Variants in OPLAH observed in about 807,000 individuals in gnomAD.
OPLAH encodes the protein 5-oxoprolinase, ATP-hydrolysing.
OPLAH carries 103 observed loss-of-function variants against 122.8 expected under a neutral mutation model. The observed-to-expected ratio is 0.84, with a 90% CI of 0.71 to 0.99. The LOEUF (loss-of-function observed/expected upper bound fraction) is 0.99, where lower values mean the gene tolerates loss of function less well. Ranked by LOEUF, OPLAH falls within the 50% of genes least tolerant of loss-of-function variation. The pLI, the probability that OPLAH is intolerant of heterozygous loss-of-function variation, is 0.00. For missense variants in OPLAH, 1,902 were observed against 1,836.5 expected (o/e 1.04, Z -0.65); for synonymous variants, 875 against 796.0 (o/e 1.10, Z -1.67).
rs782238144 is a variant in OPLAH at position 144,056,369 on chromosome 8, A to G, written c.1983+16T>C. On this transcript the variant is annotated intron_variant, in intron 14 of 26. Transcript: ENST00000618853. The stretch of plus-strand genomic sequence containing the variant: ...CCCATGGGTGCTGTCAGGCTGGCAC[A>G]GGCAGGACCACCAACCTTGTCCACC... 6.3e-6 allele frequency: 10 copies of G among 1,598,344 alleles called. No homozygotes were observed. The African/African-American group carries it at 1.2e-4, about 19-fold the overall frequency.
chr8:144,052,574 C>A lies in OPLAH; in HGVS notation c.3178G>T (p.Val1060Phe). 6.3e-7 allele frequency: 1 copy of A among 1,596,580 alleles called. No individual in the cohort carries two copies. Among genetic ancestry groups the A allele is most frequent in the Non-Finnish European group, 8.5e-7 (1 of 1,177,514 alleles). ...NQGCLAPVRV[V>F]IPRGSILDPS... The stretch of plus-strand genomic sequence containing the variant: ...TCCAGGATGGAGCCTCGGGGAATGA[C>A]CACGCGCACTGGCGCCAGGCAGCCC... Residue 1060 changes from valine to phenylalanine, a missense_variant, in exon 23 of 27, where the codon GTC (valine) becomes TTC (phenylalanine). This residue lies in a region of OPLAH where 1,726 missense variants were observed against 1,642.1 expected (regional missense o/e 1.05). Transcript: ENST00000618853.
Position 144,057,077 on chromosome 8 carries a change from T to C in OPLAH, c.1577A>G (p.Asp526Gly). The part of the protein sequence containing the change: ...LLSALGLALA[D>G]VVHEAQEPCS... ...GGGTTCCTGTGCCTCATGCACCACG[T>C]CAGCCAGGGCCAGCCCCAGGGCCGA... Residue 526 changes from aspartate to glycine, a missense_variant, in exon 12 of 27, where the codon GAC becomes GGC. Coordinates refer to ENST00000618853, the MANE Select transcript of OPLAH (RefSeq NM_017570.5). The C allele has an allele frequency of 6.2e-7, 1 of 1,602,780 alleles. No individual in the cohort carries two copies. The highest frequency in any genetic ancestry group is 8.5e-7 in the Non-Finnish European group (1 of 1,175,806).
chr8:144,054,550 C>T lies in OPLAH; in HGVS notation c.2686+11G>A. Reference sequence around the variant, plus strand: ...CCTACAGAAGGCCTGCCCCACCCCACTCCCACTCACCCTCCTCCTGGAAGA... The same window carrying T: ...CCTACAGAAGGCCTGCCCCACCCCATTCCCACTCACCCTCCTCCTGGAAGA... On this transcript the variant is annotated intron_variant, in intron 19 of 26. Transcript: ENST00000618853. The T allele has an allele frequency of 2.6e-6, 4 of 1,567,272 alleles. No individual in the cohort carries two copies. Among genetic ancestry groups the T allele is most frequent in the Non-Finnish European group, 3.5e-6 (4 of 1,151,510 alleles).
In OPLAH at chr8:144,053,094, A is replaced by T; in HGVS notation, c.2907T>A (p.Arg969=). The stretch of plus-strand genomic sequence containing the variant: ...GGGCCTGCCGGGAGGTTCCAAAGGC[A>T]CGCAACATGTCTCGCACGGCCAGCT... ...NAELAVRDML[R]AFGTSRQARG... Residue 969 remains arginine (R), a synonymous_variant, in exon 21 of 27, where the codon CGT becomes CGA. Transcript: ENST00000618853. 2 of 1,606,374 alleles carry T rather than the reference A, an allele frequency of 1.2e-6. No individual in the cohort carries two copies. The highest frequency in any genetic ancestry group is 1.7e-6 in the Non-Finnish European group (2 of 1,177,034).
chr8:144,050,603 G>T (rs1835350486), downstream of OPLAH: 1 of 985,532 alleles, frequency 1.0e-6, no homozygotes, highest in African/African-American at 1.7e-5. Flanking sequence ...GGCTGGGCAC[G>T]CGCCAAAAGC....
rs1564286967 is a variant in OPLAH, at chr8:144,051,462, CAG to C, written c.3729_3730del (p.Phe1243LeufsTer37). 9.0e-6 allele frequency: 13 copies of C among 1,450,114 alleles called. No homozygotes were observed. The highest frequency in any genetic ancestry group is 2.5e-5 in the East Asian group (1 of 40,644). The allele number at this position is 1,450,114 out of a possible 1,614,324, so 89.8% of individuals were successfully genotyped here. ...GCCACCGCCGCCGGGCGTGTGGAGA[CAG>C]AACACATCCTGTTGGCGCGGGGGGG... is the stretch of plus-strand genomic sequence containing the variant. On this transcript the variant is annotated frameshift_variant, in exon 27 of 27. Coordinates refer to ENST00000618853, the MANE Select transcript of OPLAH (RefSeq NM_017570.5). LOFTEE classifies it high-confidence loss of function.
Position 144,053,115 on chromosome 8 carries a change from C to CT in OPLAH, c.2885_2886insA (p.Ala963GlyfsTer50). ...AGGCACGCAACATGTCTCGCACGGC[C>CT]AGCTCAGCGTTTGCCTGGCAGGGAG... On this transcript the variant is annotated frameshift_variant, in exon 21 of 27. Coordinates refer to ENST00000618853, the MANE Select transcript of OPLAH (RefSeq NM_017570.5). LOFTEE classifies it high-confidence loss of function. 1.2e-6 allele frequency: 2 copies of CT among 1,606,898 alleles called. No homozygotes were observed. Among genetic ancestry groups the CT allele is most frequent in the Non-Finnish European group, 1.7e-6 (2 of 1,177,376 alleles).
At position 144,053,280 on chromosome 8, in the gene OPLAH, T is replaced by C. The variant is rs782429417; in HGVS notation, c.2800A>G (p.Ile934Val). 1 of 1,612,974 alleles carries C rather than the reference T, an allele frequency of 6.2e-7. No homozygotes were observed. The highest frequency in any genetic ancestry group is 8.5e-7 in the Non-Finnish European group (1 of 1,179,736). Residue 934 changes from isoleucine (I) to valine (V), a missense_variant, in exon 20 of 27, where the codon ATC (isoleucine) becomes GTC (valine). This residue lies in a region of OPLAH where 1,726 missense variants were observed against 1,642.1 expected (regional missense o/e 1.05). Transcript: ENST00000618853. ...CCAATGAGCTCCCCCACCAGCTGGA[T>C]GCCCTTCTGGTTGGCTGCCACCTGG... ...RAQVAANQKG[I>V]QLVGELIGQY... is the part of the protein sequence containing the mutation.
chr8:144,054,046 C>T (rs1184493219), intron 19 of OPLAH, among the ~76,000 whole-genome samples: 3 of 148,954 alleles, frequency 2.0e-5, no homozygotes, highest in African/African-American at 7.5e-5. Flanking sequence ...TTCCCCCCAC[C>T]TTGCCCCCCA....
Position 144,057,711 on chromosome 8 carries a change from C to T in OPLAH, c.1159G>A (p.Gly387Ser). ...TTAGCATCCGTCACTGTCACAGGGC[C>T]CCCTGGGAGGTGGACAGGGTGTGGG... is the stretch of plus-strand genomic sequence containing the variant. ...HPGPACYRKG[G>S]PVTVTDANLV... Residue 387 changes from glycine (G) to serine (S), a missense_variant and splice_region_variant, in exon 10 of 27, where the codon GGC becomes AGC. Gly to Ser is a moderately conservative substitution (Grantham distance 56). This residue lies in a region of OPLAH where 1,726 missense variants were observed against 1,642.1 expected (regional missense o/e 1.05). Transcript: ENST00000618853. 1 of 1,609,136 alleles carries T rather than the reference C, an allele frequency of 6.2e-7. No homozygotes were observed. Among genetic ancestry groups the T allele is most frequent in the Non-Finnish European group, 8.5e-7 (1 of 1,177,914 alleles).
chr8:144,058,733 C>G, intron 5 of OPLAH, 40 bp downstream of exon 5: 1 of 1,581,650 alleles, frequency 6.3e-7, no homozygotes, highest in Non-Finnish European at 8.6e-7. Context: ...CCACCAGGCC[C>G]GGCACCTGCT....
Position 144,056,484 on chromosome 8 carries a change from C to T in OPLAH, c.1884G>A (p.Pro628=), listed in dbSNP as rs373083081. 1.7e-5 allele frequency: 27 copies of T among 1,611,594 alleles called. No homozygotes were observed. The highest frequency in any genetic ancestry group is 6.7e-5 in the Admixed American group (4 of 59,924). The change falls in exon 14 of 27, where the codon CCG becomes CCA. Residue 628 remains proline (P), a synonymous_variant. Transcript: ENST00000618853. ...REFGFVIPER[P]VVVDDVRVRG... ...GCACTCGCACATCGTCCACGACCAC[C>T]GGCCGCTCAGGTATGACAAAGCCAA...
rs781813637 is a variant in OPLAH at position 144,055,044 on chromosome 8, C to G, written c.2394G>C (p.Glu798Asp). 6 of 1,518,282 alleles carry G rather than the reference C, an allele frequency of 4.0e-6. No individual in the cohort carries two copies. The South Asian group carries it at 7.8e-5, about 20-fold the overall frequency. 94.1% of individuals were successfully genotyped at this position (1,518,282 alleles called of 1,614,324 possible). Reference protein sequence around the residue: ...HIPVHLGAMQETVQFQIQHLG... With the variant: ...HIPVHLGAMQDTVQFQIQHLG... ...GAAGGGCCACCTGGAACTGCACCGT[C>G]TCCTGCATGGCACCCAGGTGCACAG... The change falls in exon 17 of 27, where the codon GAG (glutamate) becomes GAC (aspartate). Residue 798 changes from glutamate (E) to aspartate (D), a missense_variant. Glu to Asp is a conservative substitution (Grantham distance 45). Transcript: ENST00000618853. This position sits in a 1 kb window ranked among gnomAD's most constrained non-coding sequence, Gnocchi z 6.5.
At chr8:144,060,144 C>T in intron 1 of OPLAH, 59 bp from the exon 2 acceptor site, 1 of 1,228,372 alleles carries the variant, frequency 8.1e-7, no homozygotes, top group Non-Finnish European at 1.1e-6. Flanking sequence ...GGCTCCCCAG[C>T]CCTGCGCATG....
Position 144,057,493 on chromosome 8 carries a change from G to A in OPLAH, c.1377C>T (p.Arg459=), listed in dbSNP as rs782378768. ...SLEEVAMGFV[R]VANEAMCRPI... ...GCCGGCACATGGCCTCGTTGGCCACGCGCACGAACCCCATGGCCACCTCCT... is the reference window on the plus strand; with the variant it reads ...GCCGGCACATGGCCTCGTTGGCCACACGCACGAACCCCATGGCCACCTCCT... Residue 459 remains arginine (R), a synonymous_variant, in exon 10 of 27, where the codon CGC becomes CGT. Transcript: ENST00000618853. 15 of 1,596,898 alleles carry A rather than the reference G, an allele frequency of 9.4e-6. No individual in the cohort carries two copies. In the Admixed American group the frequency reaches 1.4e-4, roughly 15 times the overall value.
chr8:144,057,851 C>T lies in OPLAH; in HGVS notation c.1156+5G>A, dbSNP rs2129820032. On this transcript the variant is annotated splice_donor_5th_base_variant and intron_variant, in intron 9 of 26. Transcript: ENST00000618853. ...AGGCCAGGCCGGCCAGATCCTGACT[C>T]TTACCTTTGCGGTAGCAGGCGGGTC... 1.2e-6 allele frequency: 2 copies of T among 1,610,702 alleles called. No homozygotes were observed. The highest frequency in any genetic ancestry group is 2.2e-5 in the East Asian group (1 of 44,770).
rs782512591 is a variant in OPLAH, at chr8:144,057,993, G to C, written c.1088+17C>G. On this transcript the variant is annotated intron_variant, in intron 8 of 26. Coordinates refer to ENST00000618853, the MANE Select transcript of OPLAH (RefSeq NM_017570.5). The stretch of plus-strand genomic sequence containing the variant: ...AGACAGGGCTGGGGTCCCAGCCTGG[G>C]AAGCAGGAGAGCTGACCTGAAGAAG... 6.2e-7 allele frequency: 1 copy of C among 1,612,074 alleles called. No individual in the cohort carries two copies. The highest frequency in any genetic ancestry group is 8.5e-7 in the Non-Finnish European group (1 of 1,179,590).
chr8:144,051,571 C>A, intron 26 of OPLAH, 99 bp from the exon 27 acceptor site: 3 of 1,208,642 alleles, frequency 2.5e-6, no homozygotes, highest in Non-Finnish European at 3.4e-6. Context: ...CGTCCATCAC[C>A]CGCCCCCATG....
In OPLAH at chr8:144,057,431, A is replaced by G. The variant is rs1587562408; in HGVS notation, c.1422+17T>C. ...GGGCTGGGGGCAGGACAGGCGGGAG[A>G]GCAGAGGTGGACGTACCTGCGTGAG... On this transcript the variant is annotated intron_variant, in intron 10 of 26. Transcript: ENST00000618853. 6.3e-7 allele frequency: 1 copy of G among 1,582,954 alleles called. No homozygotes were observed. Among genetic ancestry groups the G allele is most frequent in the Non-Finnish European group, 8.6e-7 (1 of 1,164,686 alleles).
Sources: gnomAD v4.1 joint callset for allele counts (sites outside exome capture counted in the v4.1 genomes callset) on GRCh38, gnomAD v4.1.1 for gene constraint, gnomAD v4.1.1 regional missense constraint, Gnocchi (gnomAD v3.1) non-coding constraint, MANE v1.5 for transcripts, NCBI Gene and HGNC (gene_info 2026-07-23, HGNC 2026-07-21) for gene names.